SCAI: variants seen among roughly 807,000 people sequenced by gnomAD.
SCAI encodes the protein suppressor of cancer cell invasion, also known as protein SCAI.
Under a neutral mutation model 92.2 loss-of-function variants are expected in SCAI, and 24 were observed. The ratio of observed to expected loss-of-function variants is 0.26; its 90% CI spans 0.19 to 0.37. The LOEUF (loss-of-function observed/expected upper bound fraction) is 0.37. Ranked by LOEUF, SCAI falls within the 10% of genes least tolerant of loss-of-function variation. The probability of loss-of-function intolerance (pLI) is 1.00; values close to 1 mark genes in which losing one functional copy is unlikely to be tolerated. For synonymous variants in SCAI, 261 were observed against 258.6 expected (o/e 1.01, Z -0.09); for missense variants, 450 against 736.2 (o/e 0.61, Z 4.50).
At chr9:125,115,558 A>G (rs1224192906) in intron 2 of SCAI, among the ~76,000 whole-genome samples, 1 of 152,138 alleles carries the variant, frequency 6.6e-6, no homozygotes, top group Non-Finnish European at 1.5e-5. Context: ...ATATGCATCA[A>G]CACAAATGAA....
At chr9:125,023,361 G>A (rs1339617857) in intron 6 of SCAI, among the ~76,000 whole-genome samples, 3 of 152,106 alleles carry the variant, frequency 2.0e-5, no homozygotes, top group Non-Finnish European at 4.4e-5. Flanking sequence ...AAGGATGATT[G>A]TCCTATTTTA....
chr9:124,951,109 A>C lies in SCAI; in HGVS notation c.*1698T>G, dbSNP rs1831229239. Reference sequence around the variant, plus strand: ...AATACTCCCCAAGTCCCCAAACCCCAAAAACAGTAACTTTGGACTTCAGGT... The same window carrying C: ...AATACTCCCCAAGTCCCCAAACCCCCAAAACAGTAACTTTGGACTTCAGGT... On this transcript the variant is annotated 3_prime_UTR_variant, in exon 18 of 18. Transcript: ENST00000336505. 1.3e-5 allele frequency: 2 copies of C among 152,284 alleles called. No homozygotes were observed. The highest frequency in any genetic ancestry group is 2.9e-5 in the Non-Finnish European group (2 of 68,348). 9.4% of individuals were successfully genotyped at this position (152,284 alleles called of 1,614,324 possible).
chr9:124,966,792 T>TTC (rs1831550088), intron 17 of SCAI, among the ~76,000 whole-genome samples: 2 of 152,022 alleles, frequency 1.3e-5, no homozygotes, highest in African/African-American at 4.8e-5. Context: ...GTTTTTTTTT[T>TTC]CTAAGAGATA....
chr9:125,129,090 A>T (rs1056567633), intron 2 of SCAI, among the ~76,000 whole-genome samples: 1 of 151,794 alleles, frequency 6.6e-6, no homozygotes, highest in Admixed American at 6.6e-5. Flanking sequence ...AATTCAAAAA[A>T]TTGTTTCAGT....
intron 3 of SCAI, among the ~76,000 whole-genome samples, chr9:125,032,432 T>G: frequency 6.6e-6 from 1 of 151,506 alleles, no homozygotes; most frequent in East Asian, 1.9e-4. Flanking sequence ...CCTCAGGTGA[T>G]CCACTCGCCT....
chr9:124,978,176 T>C (rs149210244), intron 14 of SCAI, among the ~76,000 whole-genome samples: 1,956 of 152,282 alleles, frequency 0.013, 40 homozygotes, highest in African/African-American at 0.045. Context: ...GCGCGTTGGC[T>C]CACACCTGTA....
At chr9:125,072,357 TTC>T (rs1333600186) in intron 2 of SCAI, among the ~76,000 whole-genome samples, 6 of 152,180 alleles carry the variant, frequency 3.9e-5, no homozygotes, top group African/African-American at 1.4e-4. Flanking sequence ...TAAAAATTTC[TTC>T]TCTTACTCAA....
chr9:125,021,775 CT>C (rs551554628), intron 6 of SCAI, among the ~76,000 whole-genome samples: 2 of 151,340 alleles, frequency 1.3e-5, no homozygotes, highest in African/African-American at 2.4e-5. Flanking sequence ...AACTTATTGA[CT>C]TTTTTTTTGT....
At chr9:124,982,440 G>A (rs553029496) in intron 14 of SCAI, among the ~76,000 whole-genome samples, 2 of 152,094 alleles carry the variant, frequency 1.3e-5, no homozygotes, top group Non-Finnish European at 2.9e-5. Flanking sequence ...GGGAGGCCGA[G>A]GGGGGTGGTT....
intron 13 of SCAI, among the ~76,000 whole-genome samples, chr9:124,998,258 G>C (rs1832285634): frequency 6.6e-6 from 1 of 152,180 alleles, no homozygotes; most frequent in Non-Finnish European, 1.5e-5. Context: ...TTCGAGACCA[G>C]ACTGGTCAAC....
intron 2 of SCAI, among the ~76,000 whole-genome samples, chr9:125,125,913 C>CACAA (rs1835259757): frequency 8.8e-6 from 1 of 114,014 alleles, no homozygotes; most frequent in South Asian, 2.6e-4. Flanking sequence ...TACACGTACA[C>CACAA]ACACACACAC....
chr9:125,005,500 T>G (rs1392960596), intron 9 of SCAI, among the ~76,000 whole-genome samples: 1 of 151,960 alleles, frequency 6.6e-6, no homozygotes, highest in Admixed American at 6.6e-5. Flanking sequence ...CCCAGCTAAT[T>G]TTGTATTTTT....
chr9:125,117,503 T>C (rs1289674242), intron 2 of SCAI, among the ~76,000 whole-genome samples: 1 of 151,710 alleles, frequency 6.6e-6, no homozygotes, highest in Non-Finnish European at 1.5e-5. Context: ...CTATCTCTAC[T>C]AAAACTACAA....
rs1277167580 is a variant in SCAI at position 124,974,317 on chromosome 9, G to A, written c.1399+1797C>T. On this transcript the variant is annotated intron_variant, in intron 15 of 17. Transcript: ENST00000336505. The stretch of plus-strand genomic sequence containing the variant: ...ACAAAAATTAGCTGGGTGTGGTAGT[G>A]TATACCTGTGGTCCCAGCTACTTGA... 13 of 401,444 alleles carry A rather than the reference G, an allele frequency of 3.2e-5. No homozygotes were observed. The East Asian group carries it at 7.8e-4, about 24-fold the overall frequency. 24.9% of individuals were successfully genotyped at this position (401,444 alleles called of 1,614,324 possible).
intron 2 of SCAI, among the ~76,000 whole-genome samples, chr9:125,086,010 C>A (rs1834318775): frequency 6.6e-6 from 1 of 152,102 alleles, no homozygotes. Flanking sequence ...AATTTTTTAG[C>A]CAATTTAAAA....
chr9:125,138,277 CAG>C (rs1354009709), intron 2 of SCAI, among the ~76,000 whole-genome samples: 1 of 113,824 alleles, frequency 8.8e-6, no homozygotes, highest in Non-Finnish European at 1.7e-5. Context: ...TTTTTGGAGA[CAG>C]AGTTTCGCTC....
At chr9:125,139,537 G>C (rs940460061) in intron 2 of SCAI, among the ~76,000 whole-genome samples, 1 of 152,188 alleles carries the variant, frequency 6.6e-6, no homozygotes, top group Admixed American at 6.5e-5. Context: ...CATCTTGAAG[G>C]TTCACCAGAA....
chr9:124,993,586 C>G (rs1184355428), intron 14 of SCAI, among the ~76,000 whole-genome samples: 5 of 151,836 alleles, frequency 3.3e-5, no homozygotes, highest in Middle Eastern at 3.4e-3. Context: ...GAAACTCTGT[C>G]TCAAAAAAGA....
At chr9:125,130,935 G>GTTTTTT (rs1564133509) in intron 2 of SCAI, among the ~76,000 whole-genome samples, 3 of 92,730 alleles carry the variant, frequency 3.2e-5, no homozygotes, top group Non-Finnish European at 7.4e-5. Flanking sequence ...GGTTTGAACC[G>GTTTTTT]CTTTTTTTTT....
Sources: allele counts gnomAD v4.1 joint callset (sites outside exome capture counted in the v4.1 genomes callset), GRCh38; gene constraint gnomAD v4.1.1; transcripts MANE v1.5; gene names NCBI Gene and HGNC (gene_info 2026-07-23, HGNC 2026-07-21).